Variants in NPAS3 observed in about 807,000 individuals in gnomAD.
NPAS3 encodes the protein neuronal PAS domain-containing protein 3.
NPAS3 carries 14 observed loss-of-function variants against 73.1 expected under a neutral mutation model. The ratio of observed to expected loss-of-function variants is 0.19; its 90% CI spans 0.13 to 0.30. NPAS3 has a LOEUF of 0.30. NPAS3 is among the 10% of genes least tolerant of loss of function. NPAS3 has a pLI of 1.00. For synonymous variants in NPAS3, 620 were observed against 541.5 expected, an observed-to-expected ratio of 1.14 and a Z score of -2.01; for missense variants, 1,096 against 1,250.0, an observed-to-expected ratio of 0.88 and a Z score of 1.86.
chr14:33,621,390 T>C (rs1385703770), intron 5 of NPAS3, among the ~76,000 whole-genome samples: 1 of 152,178 alleles, frequency 6.6e-6, no homozygotes, highest in East Asian at 1.9e-4. Context: ...ATTAGATGAG[T>C]TTGAAATCCA....
intron 2 of NPAS3, among the ~76,000 whole-genome samples, chr14:33,205,213 C>G (rs969596489): frequency 2.6e-5 from 4 of 152,212 alleles, no homozygotes; most frequent in Admixed American, 2.6e-4. Context: ...TGTATGATCT[C>G]AACACATGCT....
In NPAS3 at chr14:33,147,596, G is replaced by A. The variant is rs184145995; in HGVS notation, c.141-67586G>A. Among the ~76,000 whole-genome samples, 1,122 of 150,776 alleles carry A rather than the reference G, an allele frequency of 7.4e-3. 8 individuals are homozygous for A. The highest frequency in any genetic ancestry group is 0.038 in the Middle Eastern group (11 of 288). ...CGGGGCCTGTTGTGGGGTCGGGGGA[G>A]GGATAGCATTAGGAGATAGACCTTA... On this transcript the variant is annotated intron_variant, in intron 2 of 11. Transcript: ENST00000356141.
intron 6 of NPAS3, among the ~76,000 whole-genome samples, chr14:33,702,859 A>G (rs930680058): frequency 1.3e-5 from 2 of 152,192 alleles, no homozygotes; most frequent in Non-Finnish European, 2.9e-5. Context: ...GAGTTGATGT[A>G]CATTCTCTTC....
At chr14:33,057,702 C>T (rs780705064) in intron 2 of NPAS3, among the ~76,000 whole-genome samples, 1 of 152,136 alleles carries the variant, frequency 6.6e-6, no homozygotes, top group Non-Finnish European at 1.5e-5. Context: ...TCAAGGTAGA[C>T]ACAGTAGGCA....
At chr14:33,672,437 T>G (rs1389711186) in intron 5 of NPAS3, among the ~76,000 whole-genome samples, 1 of 152,206 alleles carries the variant, frequency 6.6e-6, no homozygotes, top group African/African-American at 2.4e-5. Flanking sequence ...GTTTGTAATA[T>G]ACCTACTAAA....
chr14:33,503,128 A>G (rs982075484), intron 4 of NPAS3, among the ~76,000 whole-genome samples: 1 of 152,104 alleles, frequency 6.6e-6, no homozygotes, highest in African/African-American at 2.4e-5. Flanking sequence ...TACACATAAA[A>G]TGATGGCAGA....
At chr14:32,948,068 A>G (rs1299263537) in intron 1 of NPAS3, among the ~76,000 whole-genome samples, 3 of 152,166 alleles carry the variant, frequency 2.0e-5, no homozygotes, top group Admixed American at 1.3e-4. Context: ...AGTGCTCTTC[A>G]TTTAAACAGT....
chr14:33,498,955 T>A (rs2052375453), intron 4 of NPAS3, among the ~76,000 whole-genome samples: 1 of 148,348 alleles, frequency 6.7e-6, no homozygotes, highest in African/African-American at 2.5e-5. Context: ...TGTGTGTGTG[T>A]GTGTGTGTGT....
In NPAS3 at chr14:33,575,410, TA is replaced by T. The variant is rs1461666576; in HGVS notation, c.558+15203del. ...CCCTCATTTCCTTTTCCATGACCCT[TA>T]AATCACCTATAAGCAGCCCATATGA... On this transcript the variant is annotated intron_variant, in intron 5 of 11. Coordinates refer to ENST00000356141, the Ensembl canonical transcript of NPAS3. Among the ~76,000 whole-genome samples the T allele has an allele frequency of 8.3e-4, 126 of 152,338 alleles. 2 individuals are homozygous for T. Among genetic ancestry groups the T allele is most frequent in the Admixed American group, 8.1e-3 (124 of 15,294 alleles).
intron 9 of NPAS3, chr14:33,780,803 C>T (rs2062956327): frequency 9.5e-6 from 3 of 315,514 alleles, no homozygotes; most frequent in African/African-American, 4.5e-5. Context: ...CCACCATTCA[C>T]TATTGTGCTA....
intron 3 of NPAS3, among the ~76,000 whole-genome samples, chr14:33,262,694 A>T (rs2049019281): frequency 6.6e-6 from 1 of 152,188 alleles, no homozygotes; most frequent in African/African-American, 2.4e-5. Context: ...AGTTCTTTTA[A>T]TTTATAAAAG....
At chr14:33,384,421 TA>T (rs771634862) in intron 4 of NPAS3, among the ~76,000 whole-genome samples, 6,264 of 146,264 alleles carry the variant, frequency 0.043, 216 homozygotes, top group South Asian at 0.19. Flanking sequence ...TGTGTTTTTT[TA>T]AAAAAAAAAA....
At chr14:33,700,606 T>C (rs539063047) in intron 6 of NPAS3, among the ~76,000 whole-genome samples, 2 of 152,308 alleles carry the variant, frequency 1.3e-5, no homozygotes, top group South Asian at 2.1e-4. Context: ...TTCTGGGTGA[T>C]TGGATTTTAT....
chr14:33,247,098 TG>T (rs2048419423), intron 3 of NPAS3, among the ~76,000 whole-genome samples: 1 of 152,116 alleles, frequency 6.6e-6, no homozygotes, highest in African/African-American at 2.4e-5. Flanking sequence ...GCACTGTATT[TG>T]TGCAAACTTC....
chr14:33,725,497 T>C (rs1178011792), intron 6 of NPAS3, among the ~76,000 whole-genome samples: 1 of 152,150 alleles, frequency 6.6e-6, no homozygotes, highest in Non-Finnish European at 1.5e-5. Flanking sequence ...TACTTCATGT[T>C]TTCAAAATTT....
chr14:33,274,649 T>C (rs1450273612), intron 3 of NPAS3, among the ~76,000 whole-genome samples: 1 of 152,150 alleles, frequency 6.6e-6, no homozygotes, highest in Non-Finnish European at 1.5e-5. Context: ...AAGCACAAGC[T>C]TTATAAAACT....
intron 4 of NPAS3, among the ~76,000 whole-genome samples, chr14:33,525,882 A>G (rs773956884): frequency 1.5e-4 from 23 of 152,190 alleles, no homozygotes; most frequent in South Asian, 4.1e-4. Flanking sequence ...GATAACTAAT[A>G]GAAGGAGAAA....
At chr14:33,241,974 G>GTGA (rs746532508) in intron 3 of NPAS3, among the ~76,000 whole-genome samples, 2 of 152,100 alleles carry the variant, frequency 1.3e-5, no homozygotes, top group East Asian at 3.9e-4. Context: ...TAAATAATAA[G>GTGA]TGATAAACTT....
At chr14:33,214,435 TC>T (rs2047146774) in intron 2 of NPAS3, 2 of 152,230 alleles carry the variant, frequency 1.3e-5, no homozygotes, top group African/African-American at 4.8e-5. Context: ...GCTTTATCTT[TC>T]AATATTAAAT....
Sources: gnomAD v4.1 joint callset for allele counts (sites outside exome capture counted in the v4.1 genomes callset) on GRCh38, gnomAD v4.1.1 for gene constraint, MANE v1.5 for transcripts, NCBI Gene and HGNC (gene_info 2026-07-23, HGNC 2026-07-21) for gene names.